The following GGH variants were observed in gnomAD, a reference collection of about 807,000 sequenced individuals.
GGH encodes gamma-glutamyl hydrolase, also known as gamma-Glu-X carboxypeptidase.
GGH carries 18 observed loss-of-function variants against 39.2 expected under a neutral mutation model. The observed-to-expected ratio is 0.46, with a 90% CI of 0.32 to 0.68. The LOEUF (loss-of-function observed/expected upper bound fraction) is 0.68, where lower values mean the gene tolerates loss of function less well. Among genes scored for constraint, GGH ranks in the 30% least tolerant of loss-of-function variants. The pLI is 0.04. For synonymous variants in GGH, 147 were observed against 138.8 expected, an observed-to-expected ratio of 1.06 and a Z score of -0.42; for missense variants, 367 against 384.1, an observed-to-expected ratio of 0.96 and a Z score of 0.37.
intron 2 of GGH, among the ~76,000 whole-genome samples, chr8:63,033,585 G>A (rs1804844407): frequency 1.3e-5 from 2 of 152,026 alleles, no homozygotes; most frequent in African/African-American, 4.8e-5. Context: ...TAGTTGTAAT[G>A]TCTCCTCTTT....
At position 63,026,207 on chromosome 8, in the gene GGH, T is replaced by C; in HGVS notation, c.450A>G (p.Leu150=). The change falls in exon 5 of 9, where the codon TTA becomes TTG. Residue 150 remains leucine, a synonymous_variant. Coordinates refer to ENST00000260118, the MANE Select transcript of GGH (RefSeq NM_003878.3). ...LSLLISGECL[L]TATDTVDVAM... ...CCACGTCAACAGTATCTGTGGCAGT[T>C]AATAAGCACTCTCCACTAATCAGCA... is the stretch of plus-strand genomic sequence containing the variant. 3 of 1,610,254 alleles carry C rather than the reference T, an allele frequency of 1.9e-6. No individual in the cohort carries two copies. The highest frequency in any genetic ancestry group is 2.5e-6 in the Non-Finnish European group (3 of 1,177,738).
chr8:63,020,148 C>G (rs952318167), intron 7 of GGH, among the ~76,000 whole-genome samples: 1 of 152,168 alleles, frequency 6.6e-6, no homozygotes, highest in African/African-American at 2.4e-5. Context: ...AACTGCATTA[C>G]TAAAAGACCA....
intron 3 of GGH, among the ~76,000 whole-genome samples, chr8:63,029,696 G>T (rs894880700): frequency 3.3e-5 from 5 of 151,876 alleles, no homozygotes; most frequent in African/African-American, 1.2e-4. Context: ...CAAATTTTCT[G>T]ATCTCTGCCA....
chr8:63,024,019 A>G (rs1242281454), intron 6 of GGH, 22 bp from the exon 7 acceptor site: 1 of 1,556,652 alleles, frequency 6.4e-7, no homozygotes, highest in South Asian at 1.2e-5. Flanking sequence ...AAATAAAACA[A>G]AATGATTACT....
intron 5 of GGH, chr8:63,024,830 A>G (rs1328767913): frequency 6.6e-6 from 1 of 152,258 alleles, no homozygotes; most frequent in Non-Finnish European, 1.5e-5. Flanking sequence ...TGAAAACCAC[A>G]GCACCTTGAA....
At chr8:63,035,241 G>C (rs1218474748) in intron 2 of GGH, among the ~76,000 whole-genome samples, 1 of 152,134 alleles carries the variant, frequency 6.6e-6, no homozygotes, top group Non-Finnish European at 1.5e-5. Context: ...CAAAAATCAG[G>C]TGCAATGTTA....
chr8:63,019,240 G>A (rs1318574525), intron 7 of GGH, among the ~76,000 whole-genome samples: 1 of 152,206 alleles, frequency 6.6e-6, no homozygotes, highest in Non-Finnish European at 1.5e-5. Flanking sequence ...TATGTATCTT[G>A]TTCGTGTCTT....
rs1563665966 is a variant in GGH at position 63,017,586 on chromosome 8, C to CAGA, written c.741_742insTCT (p.Lys247_Ala248insSer). Reference sequence around the variant, plus strand: ...TCCAAATTCTTCCACTCATAAGGTGCTTTCTCTGGATGCCACTGGACACCA... The same window carrying CAGA: ...TCCAAATTCTTCCACTCATAAGGTGCAGATTTCTCTGGATGCCACTGGACACCA... On this transcript the variant is annotated inframe_insertion, in exon 8 of 9. Coordinates refer to ENST00000260118, the MANE Select transcript of GGH (RefSeq NM_003878.3). 1 of 1,605,804 alleles carries CAGA rather than the reference C, an allele frequency of 6.2e-7. No homozygotes were observed. The highest frequency in any genetic ancestry group is 1.1e-5 in the South Asian group (1 of 90,854).
At chr8:63,019,271 A>G (rs1042047832) in intron 7 of GGH, among the ~76,000 whole-genome samples, 3 of 152,236 alleles carry the variant, frequency 2.0e-5, no homozygotes, top group Non-Finnish European at 1.5e-5. Flanking sequence ...GATCGCAAAT[A>G]AACAGCAGAA....
intron 2 of GGH, among the ~76,000 whole-genome samples, chr8:63,034,923 T>C (rs1262305707): frequency 2.0e-5 from 3 of 152,216 alleles, no homozygotes; most frequent in Non-Finnish European, 2.9e-5. Context: ...AAATGGTTTT[T>C]GGTTACATGC....
intron 7 of GGH, among the ~76,000 whole-genome samples, chr8:63,018,532 G>A (rs1480019558): frequency 1.3e-5 from 2 of 152,282 alleles, no homozygotes; most frequent in Middle Eastern, 3.4e-3. Context: ...CTAGAGAGCA[G>A]GCCACAGAAG....
intron 7 of GGH, among the ~76,000 whole-genome samples, chr8:63,018,582 G>A (rs1047561751): frequency 1.3e-5 from 2 of 152,162 alleles, no homozygotes; most frequent in Non-Finnish European, 2.9e-5. Context: ...TTCACGAGAG[G>A]AAACACCTGC....
At chr8:63,025,941 T>A (rs1211158431) in intron 5 of GGH, among the ~76,000 whole-genome samples, 3 of 152,168 alleles carry the variant, frequency 2.0e-5, no homozygotes, top group African/African-American at 7.2e-5. Flanking sequence ...GTTATTAAAA[T>A]TCACAATTCC....
chr8:63,024,098 C>T lies in GGH; in HGVS notation c.588G>A (p.Lys196=), dbSNP rs1804643213. 2.5e-6 allele frequency: 4 copies of T among 1,604,480 alleles called. No individual in the cohort carries two copies. The highest frequency in any genetic ancestry group is 1.7e-5 in the Admixed American group (1 of 59,870). ...GTGATACCTTCACGGAGAGGCTCCACTTATGGAAATTGGCAGTCAGAGGTT... is the reference window on the plus strand; with the variant it reads ...GTGATACCTTCACGGAGAGGCTCCATTTATGGAAATTGGCAGTCAGAGGTT... ...AVEPLTANFH[K]WSLSVKNFTM... Residue 196 remains lysine (K), a synonymous_variant, in exon 6 of 9, where the codon AAG becomes AAA. Transcript: ENST00000260118.
At chr8:63,033,531 A>G (rs1179178414) in intron 2 of GGH, among the ~76,000 whole-genome samples, 1 of 143,640 alleles carries the variant, frequency 7.0e-6, no homozygotes, top group Non-Finnish European at 1.5e-5. Context: ...TTGTTGGCAT[A>G]TAGTTTAAGT....
chr8:63,024,289 C>T (rs1804646474), intron 5 of GGH, 103 bp from the exon 6 acceptor site: 1 of 642,610 alleles, frequency 1.6e-6, no homozygotes, highest in South Asian at 2.0e-5. Flanking sequence ...AAGACATAAT[C>T]AAGATGACCA....
At chr8:63,037,351 T>C (rs1421674085) in intron 1 of GGH, among the ~76,000 whole-genome samples, 1 of 152,082 alleles carries the variant, frequency 6.6e-6, no homozygotes, top group Non-Finnish European at 1.5e-5. Flanking sequence ...TGGGGCATCA[T>C]GGGAGCACAA....
At chr8:63,029,910 A>G in intron 3 of GGH, 1 of 291,806 alleles carries the variant, frequency 3.4e-6, no homozygotes. Context: ...AAGAACAAAG[A>G]TTAAGTCACA....
chr8:63,027,329 G>A lies in GGH; in HGVS notation c.276-64C>T, dbSNP rs537683901. On this transcript the variant is annotated intron_variant, in intron 3 of 8. Coordinates refer to ENST00000260118, the MANE Select transcript of GGH (RefSeq NM_003878.3). The stretch of plus-strand genomic sequence containing the variant: ...GCCACCCCCGACCCATACACACACA[G>A]AAAACAATCTTTTTATTTTAAAACA... 4.1e-6 allele frequency: 3 copies of A among 729,250 alleles called. No homozygotes were observed. The East Asian group carries it at 8.0e-5, about 19-fold the overall frequency. 45.2% of individuals were successfully genotyped at this position (729,250 alleles called of 1,614,324 possible).
Sources: allele counts gnomAD v4.1 joint callset (sites outside exome capture counted in the v4.1 genomes callset), GRCh38; gene constraint gnomAD v4.1.1; transcripts MANE v1.5; gene names NCBI Gene and HGNC (gene_info 2026-07-23, HGNC 2026-07-21).